ATAD2: variants seen among roughly 807,000 people sequenced by gnomAD.
ATAD2 encodes ATPase family AAA domain-containing protein 2.
In ATAD2, 62 loss-of-function variants were observed where a neutral mutation model predicts 168.9. That is an observed-to-expected ratio of 0.37 (90% confidence interval 0.30 to 0.45). The LOEUF is 0.45. Ranked by LOEUF, ATAD2 falls within the 20% of genes least tolerant of loss-of-function variation. The probability of loss-of-function intolerance (pLI) is 1.00; values close to 1 mark genes in which losing one functional copy is unlikely to be tolerated. For missense variants in ATAD2, 1,419 were observed against 1,667.8 expected, an observed-to-expected ratio of 0.85 and a Z score of 2.60; for synonymous variants, 613 against 571.6, an observed-to-expected ratio of 1.07 and a Z score of -1.03.
rs374869259 is a variant in ATAD2, at chr8:123,365,285, C to T, written c.1050-3639G>A. ...CTGCTGAAAGAAATAACAGATGACA[C>T]AAATAAATGGAAGCACATCCCATGC... On this transcript the variant is annotated intron_variant, in intron 8 of 27. Coordinates refer to ENST00000287394, the MANE Select transcript of ATAD2 (RefSeq NM_014109.4). Among the ~76,000 whole-genome samples the T allele has an allele frequency of 1.3e-3, 193 of 152,236 alleles. 5 individuals carry two copies. In the South Asian group the frequency reaches 0.039, roughly 31 times the overall value.
chr8:123,381,434 G>C (rs1181669040), intron 1 of ATAD2, among the ~76,000 whole-genome samples: 1 of 152,090 alleles, frequency 6.6e-6, no homozygotes, highest in Non-Finnish European at 1.5e-5. Flanking sequence ...CTGGGAGGTG[G>C]AGGTTGCAGT....
In ATAD2 at chr8:123,391,485, G is replaced by GAAAA. The variant is rs10563871; in HGVS notation, c.171+4698_171+4701dup. Among the ~76,000 whole-genome samples the GAAAA allele has an allele frequency of 1.5e-4, 5 of 33,872 alleles. 1 individual carries two copies. The highest frequency in any genetic ancestry group is 5.6e-4 in the African/African-American group (5 of 8,942). 22.2% of individuals were successfully genotyped at this position (33,872 alleles called of 152,430 possible). On this transcript the variant is annotated intron_variant, in intron 1 of 27. Transcript: ENST00000287394. Reference sequence around the variant, plus strand: ...CTGATCAGAGGTAATGAGAAGTTTTGAAAAAAAAAAAAAAAAAAAAAAAAA... The same window carrying GAAAA: ...CTGATCAGAGGTAATGAGAAGTTTTGAAAAAAAAAAAAAAAAAAAAAAAAAAAAA...
chr8:123,335,572 G>C (rs1439273676), intron 22 of ATAD2, among the ~76,000 whole-genome samples: 1 of 152,126 alleles, frequency 6.6e-6, no homozygotes, highest in Non-Finnish European at 1.5e-5. Flanking sequence ...CTCTGCATCT[G>C]TAATAACAGG....
chr8:123,411,111 C>A (rs866451561), intron 1 of ATAD2, among the ~76,000 whole-genome samples: 5 of 152,160 alleles, frequency 3.3e-5, no homozygotes, highest in Non-Finnish European at 7.3e-5. Flanking sequence ...TTGCCACCAT[C>A]TTGGAAACTT....
intron 7 of ATAD2, chr8:123,369,391 A>C (rs1251713662): frequency 4.6e-6 from 1 of 215,454 alleles, no homozygotes; most frequent in Non-Finnish European, 9.0e-6. Flanking sequence ...TATAGCACAG[A>C]TACCAACCAA....
chr8:123,377,206 C>T (rs922290540), intron 2 of ATAD2, among the ~76,000 whole-genome samples: 2 of 148,902 alleles, frequency 1.3e-5, no homozygotes, highest in Non-Finnish European at 3.0e-5. Context: ...GGGGTTGAGG[C>T]TACTGTGAGC....
chr8:123,377,973 T>C (rs1829369611), intron 2 of ATAD2, among the ~76,000 whole-genome samples: 2 of 152,118 alleles, frequency 1.3e-5, no homozygotes, highest in Admixed American at 1.3e-4. Flanking sequence ...AAAATGCTTA[T>C]TTTTTTCTTC....
chr8:123,328,413 G>A lies in ATAD2; in HGVS notation c.3645C>T (p.Thr1215=), dbSNP rs772500765. Residue 1215 remains threonine (T), a synonymous_variant, in exon 25 of 28, where the codon ACC becomes ACT. Coordinates refer to ENST00000287394, the MANE Select transcript of ATAD2 (RefSeq NM_014109.4). ...CCACCGAAGACTCTCCTGTGTTTCCGGTCTCATTATGATCTACACTTGTGT... is the reference window on the plus strand; with the variant it reads ...CCACCGAAGACTCTCCTGTGTTTCCAGTCTCATTATGATCTACACTTGTGT... ...TQDTSVDHNE[T]GNTGESSVEE... is the part of the protein sequence containing the mutation. 2.9e-5 allele frequency: 46 copies of A among 1,602,104 alleles called. No homozygotes were observed. Among genetic ancestry groups the A allele is most frequent in the South Asian group, 3.4e-5 (3 of 87,626 alleles).
In ATAD2 at chr8:123,347,200, A is replaced by C. The variant is rs111717669; in HGVS notation, c.2104T>G (p.Ser702Ala). Residue 702 changes from serine to alanine, a missense_variant, in exon 16 of 28, where the codon TCC becomes GCC. Physicochemically the swap from Ser to Ala is moderately conservative, Grantham distance 99. Around this residue, in one of 5 missense-constraint regions of ATAD2, gnomAD observed 545 missense variants for 724.9 expected, o/e 0.75. Coordinates refer to ENST00000287394, the MANE Select transcript of ATAD2 (RefSeq NM_014109.4). The part of the protein sequence containing the change: ...RAVTSPGQAL[S>A]TVVKPLLQNT... ...TGCAGGAGTGGTTTCACAACGGTGG[A>C]CAGTGCCTGCCCAGGTGATGTCACA... 1 of 1,614,156 alleles carries C rather than the reference A, an allele frequency of 6.2e-7. No individual in the cohort carries two copies. The highest frequency in any genetic ancestry group is 8.5e-7 in the Non-Finnish European group (1 of 1,180,008).
At chr8:123,322,540 G>T (rs1017159247) in intron 27 of ATAD2, among the ~76,000 whole-genome samples, 1 of 151,980 alleles carries the variant, frequency 6.6e-6, no homozygotes. Flanking sequence ...ATGATGGCAG[G>T]TGCCTGTGGT....
At chr8:123,412,999 GAATTGTAAATATGTA>G (rs1813183662) in intron 1 of ATAD2, among the ~76,000 whole-genome samples, 1 of 152,096 alleles carries the variant, frequency 6.6e-6, no homozygotes, top group Non-Finnish European at 1.5e-5. Context: ...AAAGGGCTTA[GAATTGTAAATATGTA>G]TTACTTACAA....
intron 12 of ATAD2, 98 bp downstream of exon 12, chr8:123,357,464 T>A: frequency 8.6e-7 from 1 of 1,166,108 alleles, no homozygotes; most frequent in South Asian, 2.1e-5. Flanking sequence ...CTTCTGGGTT[T>A]ATTTAGAACA....
At chr8:123,336,184 T>C (rs957452333) in intron 22 of ATAD2, among the ~76,000 whole-genome samples, 189 bp downstream of exon 22, 2 of 152,188 alleles carry the variant, frequency 1.3e-5, no homozygotes, top group Non-Finnish European at 2.9e-5. Context: ...TGTCCCTTCC[T>C]GGAAGTGTGA....
At chr8:123,393,426 C>T (rs916213691) in intron 1 of ATAD2, among the ~76,000 whole-genome samples, 3 of 151,822 alleles carry the variant, frequency 2.0e-5, no homozygotes, top group Middle Eastern at 3.2e-3. Flanking sequence ...TGGAGAATCA[C>T]TTGATCCTGG....
In ATAD2 at chr8:123,369,964, T is replaced by TCATCATCTTCATCTTCAC. The variant is rs759519056; in HGVS notation, c.770_787dup (p.Gly257_Asp262dup). 6.3e-7 allele frequency: 1 copy of TCATCATCTTCATCTTCAC among 1,577,742 alleles called. No individual in the cohort carries two copies. The highest frequency in any genetic ancestry group is 8.7e-7 in the Non-Finnish European group (1 of 1,149,560). On this transcript the variant is annotated inframe_insertion, in exon 7 of 28. Coordinates refer to ENST00000287394, the MANE Select transcript of ATAD2 (RefSeq NM_014109.4). ...ATCATCGTCATCATCATCATCATCTTCATCATCTTCATCTTCACCATCATC... is the reference window on the plus strand; with the variant it reads ...ATCATCGTCATCATCATCATCATCTTCATCATCTTCATCTTCACCATCATCTTCATCTTCACCATCATC...
chr8:123,389,976 ATATATATATTTTTTTT>A (rs1233405716), intron 1 of ATAD2, among the ~76,000 whole-genome samples: 3 of 121,310 alleles, frequency 2.5e-5, no homozygotes, highest in African/African-American at 9.8e-5. Context: ...ATATATATAT[ATATATATATTTTTTTT>A]TTTTTAGACA....
At chr8:123,334,438 C>A in intron 22 of ATAD2, 116 bp from the exon 23 acceptor site, 3 of 969,696 alleles carry the variant, frequency 3.1e-6, no homozygotes, top group Non-Finnish European at 4.3e-6. Context: ...TGACTTTTAC[C>A]AAGAATAGTC....
chr8:123,373,560 G>A (rs75809973), intron 2 of ATAD2, among the ~76,000 whole-genome samples: 33 of 151,878 alleles, frequency 2.2e-4, no homozygotes, highest in Non-Finnish European at 3.1e-4. Context: ...AGGTTGAGAC[G>A]GGTGGATCAT....
rs57487759 is a variant in ATAD2, at chr8:123,410,280, A to ATTTAT, written c.-2282+5967_-2282+5968insATAAA. ...TTTATAGTTTCTATTGTAGGATCATATTATTTATTTATTTATTTATTTATT... is the reference window on the plus strand; with the variant it reads ...TTTATAGTTTCTATTGTAGGATCATATTTATTTATTTATTTATTTATTTATTTATT... On this transcript the variant is annotated intron_variant, in intron 1 of 28. Transcript: ENST00000521903. 2.9e-3 allele frequency among the ~76,000 whole-genome samples: 436 copies of ATTTAT among 151,752 alleles called. 2 individuals are homozygous for ATTTAT. Among genetic ancestry groups the ATTTAT allele is most frequent in the South Asian group, 3.7e-3 (18 of 4,812 alleles).
Sources: allele counts gnomAD v4.1 joint callset (sites outside exome capture counted in the v4.1 genomes callset), GRCh38; gene constraint gnomAD v4.1.1; regional missense constraint gnomAD v4.1.1; transcripts MANE v1.5; gene names NCBI Gene and HGNC (gene_info 2026-07-23, HGNC 2026-07-21).